The following OCA2 variants were observed in gnomAD, a reference collection of about 807,000 sequenced individuals.
The protein encoded by OCA2 is P protein.
In OCA2, 77 loss-of-function variants were observed where a neutral mutation model predicts 100.2. The ratio of observed to expected loss-of-function variants is 0.77; its 90% CI spans 0.64 to 0.93. The LOEUF is 0.93. Among genes scored for constraint, OCA2 ranks in the 40% least tolerant of loss-of-function variants. OCA2 has a pLI of 0.00. For missense variants in OCA2, 1,062 were observed against 1,089.1 expected (o/e 0.98, Z 0.35); for synonymous variants, 432 against 439.2 (o/e 0.98, Z 0.21).
At chr15:28,010,526 A>C (rs1165901354) in intron 9 of OCA2, among the ~76,000 whole-genome samples, 3 of 152,246 alleles carry the variant, frequency 2.0e-5, no homozygotes, top group African/African-American at 7.2e-5. Flanking sequence ...ACAAGGTATA[A>C]GATTAATACA....
intron 9 of OCA2, among the ~76,000 whole-genome samples, chr15:28,004,067 C>G (rs962722967): frequency 6.6e-6 from 1 of 152,382 alleles, no homozygotes; most frequent in South Asian, 2.1e-4. Context: ...ACACCCTGCT[C>G]TTCCTTCCTG....
In OCA2 at chr15:28,024,892, G is replaced by C; in HGVS notation, c.526C>G (p.Gln176Glu). ...LRLSKLRRCV[Q>E]WLKVMGLFAF... is the part of the protein sequence containing the mutation. Reference sequence around the variant, plus strand: ...AACAGGCCCATGACTTTCAGCCACTGCACACAGCGCCTGCAAGAGAAAAAG... The same window carrying C: ...AACAGGCCCATGACTTTCAGCCACTCCACACAGCGCCTGCAAGAGAAAAAG... Residue 176 changes from glutamine to glutamate, a missense_variant, in exon 5 of 24, where the codon CAG becomes GAG. By Grantham distance (29) the Gln-to-Glu change is conservative. Transcript: ENST00000354638. 1 of 1,614,236 alleles carries C rather than the reference G, an allele frequency of 6.2e-7. No individual in the cohort carries two copies. The highest frequency in any genetic ancestry group is 2.2e-5 in the East Asian group (1 of 44,880).
chr15:27,802,193 T>A (rs978718293), intron 23 of OCA2, among the ~76,000 whole-genome samples: 2 of 152,176 alleles, frequency 1.3e-5, no homozygotes, highest in Non-Finnish European at 2.9e-5. Context: ...TAAAAATAAC[T>A]TTTATAATAC....
At chr15:27,878,675 T>G (rs753466283) in intron 19 of OCA2, among the ~76,000 whole-genome samples, 6 of 152,146 alleles carry the variant, frequency 3.9e-5, no homozygotes, top group Non-Finnish European at 8.8e-5. Flanking sequence ...GATTATGATG[T>G]GTCTAGGCAT....
intron 23 of OCA2, among the ~76,000 whole-genome samples, chr15:27,781,752 T>C (rs2032553109): frequency 6.6e-6 from 1 of 152,182 alleles, no homozygotes; most frequent in African/African-American, 2.4e-5. Flanking sequence ...AGTAAAGCCA[T>C]ATTAGAGTAA....
At chr15:27,996,620 T>C (rs1223579473) in intron 9 of OCA2, among the ~76,000 whole-genome samples, 1 of 150,532 alleles carries the variant, frequency 6.6e-6, no homozygotes, top group African/African-American at 2.4e-5. Context: ...CTCACATAAA[T>C]AAAATTATAA....
chr15:27,865,147 G>A (rs117946400), intron 21 of OCA2, among the ~76,000 whole-genome samples: 518 of 151,896 alleles, frequency 3.4e-3, no homozygotes, highest in Middle Eastern at 0.014. Context: ...GAGAGATGAC[G>A]CCATCGGAGA....
chr15:27,848,611 C>G (rs2035622099), intron 22 of OCA2, among the ~76,000 whole-genome samples: 3 of 152,218 alleles, frequency 2.0e-5, no homozygotes, highest in African/African-American at 7.2e-5. Context: ...AGAGGCAGAA[C>G]AAGGGCATTT....
chr15:27,949,086 TA>T (rs11326197), intron 18 of OCA2, among the ~76,000 whole-genome samples: 4,753 of 149,238 alleles, frequency 0.032, 268 homozygotes, highest in African/African-American at 0.11. Flanking sequence ...TCTATGATAA[TA>T]AAAAAAAAAT....
At chr15:28,003,233 G>T (rs910386759) in intron 9 of OCA2, among the ~76,000 whole-genome samples, 1 of 152,236 alleles carries the variant, frequency 6.6e-6, no homozygotes, top group Non-Finnish European at 1.5e-5. Context: ...GCTTAGCTCC[G>T]CAATAAAATA....
intron 1 of OCA2, among the ~76,000 whole-genome samples, chr15:28,094,973 G>A (rs985965188): frequency 6.6e-6 from 1 of 152,254 alleles, no homozygotes; most frequent in Non-Finnish European, 1.5e-5. Flanking sequence ...CCACGCCTGG[G>A]CCCTTCTCCA....
At position 28,053,122 on chromosome 15, in the gene OCA2, C is replaced by T. The variant is rs80076595; in HGVS notation, c.228-20959G>A. Among the ~76,000 whole-genome samples the T allele has an allele frequency of 8.6e-3, 1,314 of 152,254 alleles. 13 individuals carry two copies. The highest frequency in any genetic ancestry group is 0.03 in the African/African-American group (1,229 of 41,534). On this transcript the variant is annotated intron_variant, in intron 2 of 23. Transcript: ENST00000354638. ...GGCCATTCTGATATAGCCTCAGTTGCGTGTGTATGTAACTATACTGATATC... is the reference window on the plus strand; with the variant it reads ...GGCCATTCTGATATAGCCTCAGTTGTGTGTGTATGTAACTATACTGATATC...
chr15:27,737,570 T>C, the OCA2 span, among the ~76,000 whole-genome samples: 96 of 152,276 alleles, frequency 6.3e-4, no homozygotes, highest in African/African-American at 2.2e-3. Context: ...TGACTCCTAC[T>C]CACACCATAC....
Position 27,991,954 on chromosome 15 carries a change from A to G in OCA2, c.1045-1307T>C, listed in dbSNP as rs369280869. Reference sequence around the variant, plus strand: ...TAGATTCAAAGTTCATTTTCAGGAAATGTGATACTAGGTGTTGGCTTTTCA... The same window carrying G: ...TAGATTCAAAGTTCATTTTCAGGAAGTGTGATACTAGGTGTTGGCTTTTCA... On this transcript the variant is annotated intron_variant, in intron 9 of 23. Transcript: ENST00000354638. Among the ~76,000 whole-genome samples the G allele has an allele frequency of 4.0e-4, 61 of 152,340 alleles. 1 individual carries two copies. The East Asian group carries it at 5.2e-3, about 13-fold the overall frequency.
chr15:28,075,784 A>AAATGCATTATAC (rs2044409524), intron 2 of OCA2, among the ~76,000 whole-genome samples: 2 of 152,278 alleles, frequency 1.3e-5, no homozygotes, highest in African/African-American at 4.8e-5. Flanking sequence ...TATACAAAGT[A>AAATGCATTATAC]AAAGAACCAA....
intron 23 of OCA2, among the ~76,000 whole-genome samples, chr15:27,834,927 C>T (rs1172861463): frequency 6.6e-6 from 1 of 152,168 alleles, no homozygotes; most frequent in Non-Finnish European, 1.5e-5. Context: ...GGACAATGCA[C>T]CACGCTCATC....
At chr15:28,011,309 A>T (rs568159564) in intron 9 of OCA2, among the ~76,000 whole-genome samples, 1 of 152,134 alleles carries the variant, frequency 6.6e-6, no homozygotes, top group Admixed American at 6.5e-5. Flanking sequence ...TACAAAAAAA[A>T]TTTTAAAACT....
At chr15:27,747,428 G>A in the OCA2 span, among the ~76,000 whole-genome samples, 1 of 152,328 alleles carries the variant, frequency 6.6e-6, no homozygotes, top group South Asian at 2.1e-4. Flanking sequence ...CCAGTTCTGG[G>A]CATGTTCAGC....
At chr15:28,044,876 T>C (rs2043303764) in intron 2 of OCA2, among the ~76,000 whole-genome samples, 1 of 152,208 alleles carries the variant, frequency 6.6e-6, no homozygotes, top group Non-Finnish European at 1.5e-5. Flanking sequence ...TCTTTTTTCA[T>C]TTTTGTATTT....
Sources: gnomAD v4.1 joint callset for allele counts (sites outside exome capture counted in the v4.1 genomes callset) on GRCh38, gnomAD v4.1.1 for gene constraint, MANE v1.5 for transcripts, NCBI Gene and HGNC (gene_info 2026-07-23, HGNC 2026-07-21) for gene names.